Variants in MAP3K10 observed in about 807,000 individuals in gnomAD.
The protein encoded by MAP3K10 is MKN28 derived nonreceptor_type serine/threonine kinase.
MAP3K10 carries 22 observed loss-of-function variants against 75.0 expected under a neutral mutation model. That is an observed-to-expected ratio of 0.29 (90% CI 0.21 to 0.42). The LOEUF is 0.42. Ranked by LOEUF, MAP3K10 falls within the 10% of genes least tolerant of loss-of-function variation. The pLI is 1.00. For missense variants in MAP3K10, 1,165 were observed against 1,379.8 expected (o/e 0.84, Z 2.47); for synonymous variants, 599 against 612.9 (o/e 0.98, Z 0.34).
chr19:40,193,192 C>G (rs1972849573), intron 1 of MAP3K10, among the ~76,000 whole-genome samples: 1 of 152,164 alleles, frequency 6.6e-6, no homozygotes, highest in African/African-American at 2.4e-5. Context: ...TTAGCCTCTT[C>G]CCACTAGATG....
In MAP3K10 at chr19:40,215,318, G is replaced by A. The variant is rs1973334399; in HGVS notation, c.*26G>A. 2 of 1,524,814 alleles carry A rather than the reference G, an allele frequency of 1.3e-6. No homozygotes were observed. Among genetic ancestry groups the A allele is most frequent in the East Asian group, 2.5e-5 (1 of 40,230 alleles). The allele number at this position is 1,524,814 out of a possible 1,614,324, so 94.5% of individuals were successfully genotyped here. On this transcript the variant is annotated 3_prime_UTR_variant, in exon 10 of 10. Coordinates refer to ENST00000253055, the MANE Select transcript of MAP3K10 (RefSeq NM_002446.4). The stretch of plus-strand genomic sequence containing the variant: ...GGCCTGCCCACCACCGCCCGCCTGG[G>A]CAGCCATGAATGTAGCGCCCCAGGC...
At position 40,192,323 on chromosome 19, in the gene MAP3K10, C is replaced by G; in HGVS notation, c.292C>G (p.Leu98Val). Residue 98 changes from leucine (L) to valine (V), a missense_variant, in exon 1 of 10, where the codon CTG (leucine) becomes GTG (valine). This residue lies in a region of MAP3K10 where 575 missense variants were observed against 793.2 expected (regional missense o/e 0.72). Transcript: ENST00000253055. This position sits in a 1 kb window ranked among gnomAD's most constrained non-coding sequence, Gnocchi z 7.1. ...QLPQEIPFHE[L>V]QLEEIIGVGG... ...GCCCCAGGAGATCCCCTTCCACGAG[C>G]TGCAGCTAGAGGAGATCATCGGTGT... is the stretch of plus-strand genomic sequence containing the variant. The G allele has an allele frequency of 6.2e-7, 1 of 1,609,930 alleles. No individual in the cohort carries two copies. Among genetic ancestry groups the G allele is most frequent in the South Asian group, 1.1e-5 (1 of 90,758 alleles).
At chr19:40,208,363 T>TTTTTA (rs1555756663) in intron 5 of MAP3K10, among the ~76,000 whole-genome samples, 12,575 of 110,826 alleles carry the variant, frequency 0.11, 584 homozygotes, top group African/African-American at 0.16. Flanking sequence ...TTTTTTTTTT[T>TTTTTA]TTTTTTGTAT....
intron 5 of MAP3K10, among the ~76,000 whole-genome samples, chr19:40,207,023 C>A (rs146434964): frequency 6.6e-6 from 1 of 152,050 alleles, no homozygotes; most frequent in Non-Finnish European, 1.5e-5. Context: ...CGCTTGAACC[C>A]GGAAAGCAGA....
chr19:40,199,032 A>G (rs1400398554), intron 2 of MAP3K10, among the ~76,000 whole-genome samples: 1 of 152,136 alleles, frequency 6.6e-6, no homozygotes, highest in Non-Finnish European at 1.5e-5. Context: ...TGGCCACTGC[A>G]CTCCAGCCTG....
intron 1 of MAP3K10, among the ~76,000 whole-genome samples, chr19:40,195,677 A>G (rs970024382): frequency 6.6e-6 from 1 of 151,770 alleles, no homozygotes; most frequent in African/African-American, 2.4e-5. Context: ...TATTTCTAGT[A>G]GAGACGGTGG....
intron 5 of MAP3K10, among the ~76,000 whole-genome samples, chr19:40,207,690 G>C (rs1286406332): frequency 6.6e-6 from 1 of 152,060 alleles, no homozygotes; most frequent in Non-Finnish European, 1.5e-5. Flanking sequence ...AGCCGAGATC[G>C]CGCCATTGTA....
chr19:40,192,033 TGGA>T lies in MAP3K10; in HGVS notation c.14_16del (p.Glu5?), dbSNP rs1295733044. The T allele has an allele frequency of 5.7e-5, 78 of 1,371,228 alleles. No homozygotes were observed. The highest frequency in any genetic ancestry group is 2.1e-4 in the Middle Eastern group (1 of 4,792). The allele number at this position is 1,371,228 out of a possible 1,614,324, so 84.9% of individuals were successfully genotyped here. On this transcript the variant is annotated start_lost and inframe_deletion, in exon 1 of 10. Transcript: ENST00000253055. This position sits in a 1 kb window ranked among gnomAD's most constrained non-coding sequence, Gnocchi z 7.1. The stretch of plus-strand genomic sequence containing the variant: ...CCCGCAGCCCCCGGCCCCTCCCCCA[TGGA>T]GGAGGAGGAGGGGGCGGTGGCCAAG...
intron 2 of MAP3K10, among the ~76,000 whole-genome samples, chr19:40,199,494 A>G (rs1972977630): frequency 6.6e-6 from 1 of 152,188 alleles, no homozygotes; most frequent in South Asian, 2.1e-4. Context: ...GGAACCAGTC[A>G]CGAAAAGTTT....
chr19:40,209,363 CAG>C, intron 6 of MAP3K10, 144 bp downstream of exon 6: 1 of 561,540 alleles, frequency 1.8e-6, no homozygotes, highest in Non-Finnish European at 3.1e-6. Context: ...TCACAGGAAA[CAG>C]ATAGTAAACA....
At chr19:40,200,713 G>A (rs145021579) in intron 2 of MAP3K10, among the ~76,000 whole-genome samples, 1 of 140,842 alleles carries the variant, frequency 7.1e-6, no homozygotes, top group Non-Finnish European at 1.5e-5. Flanking sequence ...CCTCCTCCCA[G>A]ATTCAAGTGA....
In MAP3K10 at chr19:40,205,019, C is replaced by A; in HGVS notation, c.1013-102C>A. The A allele has an allele frequency of 1.9e-6, 2 of 1,060,314 alleles. No individual in the cohort carries two copies. Among genetic ancestry groups the A allele is most frequent in the Non-Finnish European group, 1.4e-6 (1 of 698,834 alleles). The allele number at this position is 1,060,314 out of a possible 1,614,324, so 65.7% of individuals were successfully genotyped here. ...CAGCTCCATAGCAGCTGTTTGTCTG[C>A]CATCCCCAGAAATTCTGCCTTCCTC... On this transcript the variant is annotated intron_variant, in intron 3 of 9. Transcript: ENST00000253055. The surrounding 1 kb of genome is among the most constrained non-coding windows in gnomAD (Gnocchi z 4.3).
At chr19:40,202,557 G>A (rs893504829) in intron 2 of MAP3K10, among the ~76,000 whole-genome samples, 1 of 152,132 alleles carries the variant, frequency 6.6e-6, no homozygotes, top group Non-Finnish European at 1.5e-5. Flanking sequence ...TTGAACAATA[G>A]TCTTTACAGG....
rs201467895 is a variant in MAP3K10 at position 40,192,025 on chromosome 19, C to T, written c.-7C>T. The T allele has an allele frequency of 1.1e-4, 153 of 1,417,490 alleles. No homozygotes were observed. The Admixed American group carries it at 1.9e-3, about 18-fold the overall frequency. 87.8% of individuals were successfully genotyped at this position (1,417,490 alleles called of 1,614,324 possible). A position where few individuals can be genotyped will look rare whatever the true frequency, so the allele number is the denominator to read the frequency against. On this transcript the variant is annotated 5_prime_UTR_variant, in exon 1 of 10. Coordinates refer to ENST00000253055, the MANE Select transcript of MAP3K10 (RefSeq NM_002446.4). This position sits in a 1 kb window ranked among gnomAD's most constrained non-coding sequence, Gnocchi z 7.1. ...AGCGGCCTCCCGCAGCCCCCGGCCC[C>T]TCCCCCATGGAGGAGGAGGAGGGGG...
At chr19:40,199,438 A>G (rs1972976091) in intron 2 of MAP3K10, among the ~76,000 whole-genome samples, 1 of 152,188 alleles carries the variant, frequency 6.6e-6, no homozygotes, top group Non-Finnish European at 1.5e-5. Flanking sequence ...CGCTTCTCTG[A>G]GCAATCTGAG....
chr19:40,213,941 C>T lies in MAP3K10; in HGVS notation c.2262C>T (p.Asp754=), dbSNP rs762171182. The T allele has an allele frequency of 9.1e-6, 14 of 1,531,170 alleles. No homozygotes were observed. The highest frequency in any genetic ancestry group is 2.0e-5 in the Admixed American group (1 of 50,952). The allele number at this position is 1,531,170 out of a possible 1,614,324, so 94.8% of individuals were successfully genotyped here. A position where few individuals can be genotyped will look rare whatever the true frequency, so the allele number is the denominator to read the frequency against. ...TCGTGTCGCTGTCGTCCGTGTCCGA[C>T]TGCAACTCCACGCGTTCACTGCTGC... is the stretch of plus-strand genomic sequence containing the variant. ...ATLVSLSSVS[D]CNSTRSLLRS... is the part of the protein sequence containing the mutation. The change falls in exon 9 of 10, where the codon GAC becomes GAT. Residue 754 remains aspartate, a synonymous_variant. Transcript: ENST00000253055. The surrounding 1 kb of genome is among the most constrained non-coding windows in gnomAD (Gnocchi z 5.7).
chr19:40,192,769 T>C lies in MAP3K10; in HGVS notation c.682+56T>C. The C allele has an allele frequency of 7.3e-7, 1 of 1,366,810 alleles. No individual in the cohort carries two copies. The highest frequency in any genetic ancestry group is 9.8e-7 in the Non-Finnish European group (1 of 1,023,832). The allele number at this position is 1,366,810 out of a possible 1,614,324, so 84.7% of individuals were successfully genotyped here. On this transcript the variant is annotated intron_variant, in intron 1 of 9. Coordinates refer to ENST00000253055, the MANE Select transcript of MAP3K10 (RefSeq NM_002446.4). The surrounding 1 kb of genome is among the most constrained non-coding windows in gnomAD (Gnocchi z 7.1). ...CCACAGAACCTCTCAAGGCCAGGCC[T>C]AGGTGGTGGGAAACAGGGTGAGGGA...
Position 40,205,206 on chromosome 19 carries a change from C to T in MAP3K10, c.1098C>T (p.Phe366=). ...AAGTCATCGAACAGTCAGCCCTGTTCCAGATGCCACTGGAGTCCTTCCACT... is the reference window on the plus strand; with the variant it reads ...AAGTCATCGAACAGTCAGCCCTGTTTCAGATGCCACTGGAGTCCTTCCACT... ...RLEVIEQSAL[F]QMPLESFHSL... Residue 366 remains phenylalanine (F), a synonymous_variant, in exon 4 of 10, where the codon TTC becomes TTT. Transcript: ENST00000253055. This position sits in a 1 kb window ranked among gnomAD's most constrained non-coding sequence, Gnocchi z 4.3. 1 of 1,614,128 alleles carries T rather than the reference C, an allele frequency of 6.2e-7. No homozygotes were observed. Among genetic ancestry groups the T allele is most frequent in the South Asian group, 1.1e-5 (1 of 91,088 alleles).
In MAP3K10 at chr19:40,212,720, G is replaced by A. The variant is rs1599916605; in HGVS notation, c.1553-85G>A. The A allele has an allele frequency of 3.3e-6, 5 of 1,518,270 alleles. No homozygotes were observed. Among genetic ancestry groups the A allele is most frequent in the East Asian group, 2.4e-5 (1 of 40,966 alleles). The allele number at this position is 1,518,270 out of a possible 1,614,324, so 94.0% of individuals were successfully genotyped here. ...GCCCTTGGACTCCCAGGCGGAGGGTGGGCCTGAGCTGGGGGCACTGGAGGC... is the reference window on the plus strand; with the variant it reads ...GCCCTTGGACTCCCAGGCGGAGGGTAGGCCTGAGCTGGGGGCACTGGAGGC... On this transcript the variant is annotated intron_variant, in intron 6 of 9. Coordinates refer to ENST00000253055, the MANE Select transcript of MAP3K10 (RefSeq NM_002446.4). This position sits in a 1 kb window ranked among gnomAD's most constrained non-coding sequence, Gnocchi z 4.2.
Sources: allele counts gnomAD v4.1 joint callset (sites outside exome capture counted in the v4.1 genomes callset), GRCh38; gene constraint gnomAD v4.1.1; regional missense constraint gnomAD v4.1.1; non-coding constraint Gnocchi (gnomAD v3.1); transcripts MANE v1.5; gene names NCBI Gene and HGNC (gene_info 2026-07-23, HGNC 2026-07-21).